DNAH9: variants seen among roughly 807,000 people sequenced by gnomAD.
The protein encoded by DNAH9 is DNAH9 variant protein.
DNAH9 carries 345 observed loss-of-function variants against 471.6 expected under a neutral mutation model. The observed-to-expected ratio is 0.73, with a 90% confidence interval of 0.67 to 0.80. The LOEUF is 0.80. DNAH9 is among the 30% of genes least tolerant of loss of function. The pLI is 0.00. For synonymous variants in DNAH9, 2,093 were observed against 2,123.6 expected (o/e 0.99, Z 0.40); for missense variants, 5,407 against 5,609.2 (o/e 0.96, Z 1.15).
At chr17:11,956,024 T>C (rs1291341539) in intron 67 of DNAH9, among the ~76,000 whole-genome samples, 1 of 152,238 alleles carries the variant, frequency 6.6e-6, no homozygotes, top group Non-Finnish European at 1.5e-5. Context: ...CCAACCTTGC[T>C]AGCAGGCATT....
chr17:11,956,353 G>T (rs935206021), intron 67 of DNAH9, among the ~76,000 whole-genome samples: 1 of 151,892 alleles, frequency 6.6e-6, no homozygotes, highest in Non-Finnish European at 1.5e-5. Flanking sequence ...GCAAAAAAAT[G>T]ATAGAATCAA....
rs141342607 is a variant in DNAH9, at chr17:11,929,956, A to G, written c.11968A>G (p.Met3990Val). ...ENSHPEFRVF[M>V]SAEPAPSPEG... is the part of the protein sequence containing the mutation. ...CAGCCACCCAGAGTTCAGGGTCTTC[A>G]TGAGTGCAGAGCCAGCACCCTCCCC... Residue 3990 changes from methionine to valine, a missense_variant, in exon 63 of 69, where the codon ATG (methionine) becomes GTG (valine). By Grantham distance (21) the Met-to-Val change is conservative (BLOSUM62 1). Transcript: ENST00000262442. 3 of 1,613,894 alleles carry G rather than the reference A, an allele frequency of 1.9e-6. No homozygotes were observed. In the African/African-American group the frequency reaches 4.0e-5, roughly 22 times the overall value.
chr17:11,652,534 C>G (rs1415572451), intron 13 of DNAH9, among the ~76,000 whole-genome samples: 1 of 152,024 alleles, frequency 6.6e-6, no homozygotes, highest in Non-Finnish European at 1.5e-5. Context: ...ATCCGCCCAC[C>G]TCGGCCTCCC....
intron 59 of DNAH9, among the ~76,000 whole-genome samples, chr17:11,898,207 C>T (rs1167571988): frequency 6.6e-6 from 1 of 152,054 alleles, no homozygotes; most frequent in Admixed American, 6.6e-5. Flanking sequence ...TCACTGCAAC[C>T]TCTGCCTCCC....
At chr17:11,806,770 AT>A (rs1254321113) in intron 43 of DNAH9, among the ~76,000 whole-genome samples, 1 of 152,086 alleles carries the variant, frequency 6.6e-6, no homozygotes, top group Non-Finnish European at 1.5e-5. Context: ...AGAACTGTGG[AT>A]TTTTTTCTGT....
At chr17:11,935,125 C>T (rs1004183908) in intron 65 of DNAH9, among the ~76,000 whole-genome samples, 5 of 151,346 alleles carry the variant, frequency 3.3e-5, no homozygotes, top group African/African-American at 1.2e-4. Context: ...CCACCACACC[C>T]GGTTTTTGTA....
chr17:11,954,547 GA>G (rs200361171), intron 67 of DNAH9, among the ~76,000 whole-genome samples: 1,641 of 151,628 alleles, frequency 0.011, 31 homozygotes, highest in African/African-American at 0.038. Flanking sequence ...AGTACTAAAA[GA>G]AAAAAACTGT....
At chr17:11,809,146 A>G (rs754034763) in intron 44 of DNAH9, among the ~76,000 whole-genome samples, 1 of 152,198 alleles carries the variant, frequency 6.6e-6, no homozygotes, top group Non-Finnish European at 1.5e-5. Flanking sequence ...TCCTAGCCCA[A>G]AATGTCATCC....
intron 7 of DNAH9, among the ~76,000 whole-genome samples, chr17:11,631,843 G>A (rs1007440218): frequency 3.3e-5 from 5 of 151,532 alleles, no homozygotes; most frequent in East Asian, 1.9e-4. Context: ...ACACACATGC[G>A]TTACTGTTAC....
chr17:11,693,492 C>G lies in DNAH9; in HGVS notation c.4615-376C>G, dbSNP rs565874997. 1.5e-4 allele frequency among the ~76,000 whole-genome samples: 23 copies of G among 151,594 alleles called. No homozygotes were observed. The South Asian group carries it at 4.4e-3, about 29-fold the overall frequency. On this transcript the variant is annotated intron_variant, in intron 20 of 68. Coordinates refer to ENST00000262442, the MANE Select transcript of DNAH9 (RefSeq NM_001372.4). ...CAGGCTGGTCTCAAACTCCTGGCCT[C>G]AAACCATCCGCCCGCGTCAGCCTCC... is the stretch of plus-strand genomic sequence containing the variant.
chr17:11,669,301 G>A lies in DNAH9; in HGVS notation c.2928+41G>A, dbSNP rs200967027. On this transcript the variant is annotated intron_variant, in intron 16 of 68. Transcript: ENST00000262442. ...CCATCCTGCCCTCCAACTGTGTCCC[G>A]TCCAGCCGAATCTCGAACTTCCTGC... The A allele has an allele frequency of 1.9e-4, 304 of 1,596,260 alleles. 2 individuals carry two copies. In the South Asian group the frequency reaches 1.9e-3, roughly 10 times the overall value.
At position 11,962,251 on chromosome 17, in the gene DNAH9, A is replaced by G. The variant is rs1441443900; in HGVS notation, c.13228A>G (p.Thr4410Ala). 5.0e-6 allele frequency: 8 copies of G among 1,601,148 alleles called. No homozygotes were observed. The highest frequency in any genetic ancestry group is 6.8e-6 in the Non-Finnish European group (8 of 1,173,756). Residue 4410 changes from threonine (T) to alanine (A), a missense_variant, in exon 68 of 69, where the codon ACA (threonine) becomes GCA (alanine). Coordinates refer to ENST00000262442, the MANE Select transcript of DNAH9 (RefSeq NM_001372.4). The surrounding 1 kb of genome is among the most constrained non-coding windows in gnomAD (Gnocchi z 4.1). ...GLFMEGACWD[T>A]QAGIITEAKL... ...CTTCATGGAAGGTGCCTGCTGGGACACACAGGTAAAGCTTGGAATGAACCA... is the reference window on the plus strand; with the variant it reads ...CTTCATGGAAGGTGCCTGCTGGGACGCACAGGTAAAGCTTGGAATGAACCA...
chr17:11,628,441 C>T (rs1051752705), intron 6 of DNAH9, among the ~76,000 whole-genome samples: 3 of 152,214 alleles, frequency 2.0e-5, no homozygotes, highest in Non-Finnish European at 4.4e-5. Flanking sequence ...AGTTAACTGA[C>T]TTAGCACTCA....
intron 56 of DNAH9, among the ~76,000 whole-genome samples, chr17:11,885,397 T>C (rs532925013): frequency 6.6e-6 from 1 of 152,354 alleles, no homozygotes; most frequent in South Asian, 2.1e-4. Flanking sequence ...TAGGGCTGTG[T>C]AAACCATGCT....
At chr17:11,759,927 G>A (rs1967592925) in intron 35 of DNAH9, among the ~76,000 whole-genome samples, 2 of 151,994 alleles carry the variant, frequency 1.3e-5, no homozygotes, top group Admixed American at 1.3e-4. Context: ...ACCTTGTGAT[G>A]TGGCCGCCTC....
chr17:11,762,787 T>TG (rs1567783470), intron 35 of DNAH9, among the ~76,000 whole-genome samples: 15 of 135,838 alleles, frequency 1.1e-4, no homozygotes, highest in East Asian at 2.1e-4. Context: ...TTTTTTTTTT[T>TG]TTTTTTTTTT....
chr17:11,868,950 C>T (rs1224262642), intron 50 of DNAH9, among the ~76,000 whole-genome samples, 184 bp from the exon 51 acceptor site: 1 of 152,144 alleles, frequency 6.6e-6, no homozygotes, highest in Non-Finnish European at 1.5e-5. Flanking sequence ...CTTGCTAGGA[C>T]CCGCCTGAGA....
intron 60 of DNAH9, among the ~76,000 whole-genome samples, chr17:11,903,917 G>GAA (rs1555618577): frequency 7.2e-6 from 1 of 138,716 alleles, no homozygotes; most frequent in Non-Finnish European, 1.6e-5. Context: ...TTTTAAAAAA[G>GAA]AAAGAAGGAA....
intron 3 of DNAH9, among the ~76,000 whole-genome samples, chr17:11,611,017 C>T (rs1273021542): frequency 6.6e-6 from 1 of 151,196 alleles, no homozygotes; most frequent in Non-Finnish European, 1.5e-5. Context: ...GTTCATCTTC[C>T]AGGGTGTTTG....
Sources: allele counts gnomAD v4.1 joint callset (sites outside exome capture counted in the v4.1 genomes callset), GRCh38; gene constraint gnomAD v4.1.1; non-coding constraint Gnocchi (gnomAD v3.1); transcripts MANE v1.5; gene names NCBI Gene and HGNC (gene_info 2026-07-23, HGNC 2026-07-21).